The following IL36G variants were observed in gnomAD, a reference collection of about 807,000 sequenced individuals.
IL36G encodes the protein interleukin 36 gamma, also known as interleukin-36 gamma.
In IL36G, 10 loss-of-function variants were observed where a neutral mutation model predicts 13.5. The observed-to-expected ratio is 0.74, with a 90% CI of 0.46 to 1.26. IL36G has a LOEUF of 1.26. Ranked by LOEUF, IL36G falls within the 50% of genes most tolerant of loss-of-function variation. IL36G has a pLI of 0.00. For synonymous variants in IL36G, 84 were observed against 74.0 expected, an observed-to-expected ratio of 1.13 and a Z score of -0.69; for missense variants, 199 against 203.0, an observed-to-expected ratio of 0.98 and a Z score of 0.12.
Position 112,979,316 on chromosome 2 carries a change from G to A in IL36G, c.151G>A (p.Val51Met). The A allele has an allele frequency of 1.3e-6, 2 of 1,599,142 alleles. No homozygotes were observed. Among genetic ancestry groups the A allele is most frequent in the Non-Finnish European group, 1.7e-6 (2 of 1,166,316 alleles). Residue 51 changes from valine to methionine, a missense_variant, in exon 3 of 5, where the codon GTG (valine) becomes ATG (methionine). Physicochemically the swap from Val to Met is conservative, Grantham distance 21. Transcript: ENST00000259205. ...NLVAVPRSDSVTPVTVAVITC... is the reference protein window; with the variant it reads ...NLVAVPRSDSMTPVTVAVITC... ...TGTGGCAGTTCCACGAAGTGACAGT[G>A]TGACCCCAGGTGAGTGGTCACCCTG...
intron 2 of IL36G, 105 bp downstream of exon 2, chr2:112,978,798 C>A (rs373416742): frequency 1.8e-6 from 2 of 1,118,716 alleles, no homozygotes; most frequent in Non-Finnish European, 2.7e-6. Context: ...CTGTACACTG[C>A]CCTTCCCACC....
intron 4 of IL36G, chr2:112,981,360 C>T (rs770808129): frequency 5.4e-5 from 41 of 754,046 alleles, no homozygotes; most frequent in Non-Finnish European, 7.2e-5. Context: ...GACAACTTTG[C>T]GGGCCTTCTC....
chr2:112,983,172 C>A (rs916676573), intron 4 of IL36G, among the ~76,000 whole-genome samples: 1 of 151,978 alleles, frequency 6.6e-6, no homozygotes, highest in Non-Finnish European at 1.5e-5. Flanking sequence ...GTGGTTTGTA[C>A]AAGTTGTCTT....
At position 112,985,231 on chromosome 2, in the gene IL36G, G is replaced by A. The variant is rs1400191025; in HGVS notation, c.*182G>A. On this transcript the variant is annotated 3_prime_UTR_variant, in exon 5 of 5. Coordinates refer to ENST00000259205, the MANE Select transcript of IL36G (RefSeq NM_019618.4). The stretch of plus-strand genomic sequence containing the variant: ...CTTCATAGCAACTGAAGAACAGGAT[G>A]TGGCCTCAGAAGCAGGAGAGCTGGG... The A allele has an allele frequency of 3.4e-6, 2 of 587,740 alleles. No homozygotes were observed. The highest frequency in any genetic ancestry group is 6.0e-5 in the Admixed American group (2 of 33,502). 36.4% of individuals were successfully genotyped at this position (587,740 alleles called of 1,614,324 possible).
intron 2 of IL36G, 77 bp downstream of exon 2, chr2:112,978,770 A>C: frequency 7.2e-7 from 1 of 1,393,448 alleles, no homozygotes; most frequent in Non-Finnish European, 1.0e-6. Flanking sequence ...TGGAAGCCCC[A>C]GCCTTCTCTG....
At chr2:112,980,206 T>C (rs1231038799) in intron 4 of IL36G, 58 bp downstream of exon 4, 1 of 1,393,926 alleles carries the variant, frequency 7.2e-7, no homozygotes, top group African/African-American at 1.5e-5. Flanking sequence ...TTTGGTTGAA[T>C]ACCTAATTTT....
At chr2:112,978,714 A>T (rs1353875852) in intron 2 of IL36G, 21 bp downstream of exon 2, 1 of 1,612,996 alleles carries the variant, frequency 6.2e-7, no homozygotes, top group Non-Finnish European at 8.5e-7. Flanking sequence ...TGCTGTTGGG[A>T]TGGGGCTCTG....
At chr2:112,983,874 G>A (rs1350734395) in intron 4 of IL36G, among the ~76,000 whole-genome samples, 1 of 152,214 alleles carries the variant, frequency 6.6e-6, no homozygotes, top group Non-Finnish European at 1.5e-5. Context: ...AGAACATTTA[G>A]AAGGTCACCC....
In IL36G at chr2:112,984,832, C is replaced by T. The variant is rs113895847; in HGVS notation, c.301-8C>T. ...TTCTCCTAATGGGTACTTGTTCTGA[C>T]ATTTCAGGAGCAGAAGATCATGGAT... On this transcript the variant is annotated splice_polypyrimidine_tract_variant and splice_region_variant and intron_variant, in intron 4 of 4. Coordinates refer to ENST00000259205, the MANE Select transcript of IL36G (RefSeq NM_019618.4). 1.2e-6 allele frequency: 2 copies of T among 1,611,746 alleles called. No individual in the cohort carries two copies. Among genetic ancestry groups the T allele is most frequent in the Non-Finnish European group, 1.7e-6 (2 of 1,177,936 alleles).
chr2:112,979,836 TATGA>T (rs3075080), intron 3 of IL36G, among the ~76,000 whole-genome samples, 169 bp from the exon 4 acceptor site: 6 of 151,424 alleles, frequency 4.0e-5, no homozygotes, highest in Admixed American at 2.6e-4. Context: ...TGGCACATGG[TATGA>T]ATGAATGAAT....
At chr2:112,981,005 C>A (rs1044697252) in intron 4 of IL36G, among the ~76,000 whole-genome samples, 7 of 152,194 alleles carry the variant, frequency 4.6e-5, no homozygotes, top group African/African-American at 1.7e-4. Context: ...ACATATGCCC[C>A]TTCCCCTAAA....
chr2:112,978,703 A>C lies in IL36G; in HGVS notation c.55+10A>C. On this transcript the variant is annotated intron_variant, in intron 2 of 4. Coordinates refer to ENST00000259205, the MANE Select transcript of IL36G (RefSeq NM_019618.4). Reference sequence around the variant, plus strand: ...GCCGTCTATCAATCAAGTGAATCAAATGCTGTTGGGATGGGGCTCTGGAGG... The same window carrying C: ...GCCGTCTATCAATCAAGTGAATCAACTGCTGTTGGGATGGGGCTCTGGAGG... 2 of 1,613,872 alleles carry C rather than the reference A, an allele frequency of 1.2e-6. No homozygotes were observed. Among genetic ancestry groups the C allele is most frequent in the Non-Finnish European group, 1.7e-6 (2 of 1,179,894 alleles).
rs1015322151 is a variant in IL36G, at chr2:112,981,118, CT to C, written c.300+971del. ...ACTTGATAAAAAATAGTTTTTCAAA[CT>C]GTACAGTCACCAGAAGTACACAGTT... is the stretch of plus-strand genomic sequence containing the variant. On this transcript the variant is annotated intron_variant, in intron 4 of 4. Transcript: ENST00000259205. 12 of 861,928 alleles carry C rather than the reference CT, an allele frequency of 1.4e-5. No homozygotes were observed. In the Admixed American group the frequency reaches 1.7e-4, roughly 12 times the overall value. The allele number at this position is 861,928 out of a possible 1,614,324, so 53.4% of individuals were successfully genotyped here. A position where few individuals can be genotyped will look rare whatever the true frequency, so the allele number is the denominator to read the frequency against.
Position 112,980,071 on chromosome 2 carries a change from A to G in IL36G, c.223A>G (p.Ile75Val). Residue 75 changes from isoleucine to valine, a missense_variant, in exon 4 of 5, where the codon ATT (isoleucine) becomes GTT (valine). Coordinates refer to ENST00000259205, the MANE Select transcript of IL36G (RefSeq NM_019618.4). ...TCTTGAGCAAGGCAGAGGGGATCCC[A>G]TTTATTTGGGAATCCAGAATCCAGA... ...EALEQGRGDP[I>V]YLGIQNPEMC... is the part of the protein sequence containing the mutation. The G allele has an allele frequency of 6.2e-7, 1 of 1,613,694 alleles. No homozygotes were observed. Among genetic ancestry groups the G allele is most frequent in the Non-Finnish European group, 8.5e-7 (1 of 1,179,588 alleles).
intron 4 of IL36G, among the ~76,000 whole-genome samples, 160 bp from the exon 5 acceptor site, chr2:112,984,680 A>G (rs892665239): frequency 2.0e-5 from 3 of 152,026 alleles, no homozygotes; most frequent in Non-Finnish European, 2.9e-5. Context: ...ATGTATGTTT[A>G]CTCTGCTGCT....
At chr2:112,984,753 G>T in intron 4 of IL36G, 87 bp from the exon 5 acceptor site, 1 of 1,154,630 alleles carries the variant, frequency 8.7e-7, no homozygotes, top group Non-Finnish European at 1.3e-6. Flanking sequence ...CTGGAACTTT[G>T]GAACATTTAT....
intron 4 of IL36G, chr2:112,981,378 C>T (rs56198490): frequency 0.14 from 104,254 of 737,596 alleles, 8,244 homozygotes; most frequent in Middle Eastern, 0.21. Flanking sequence ...CTCTGTGGTT[C>T]GTCCTTCACC....
At chr2:112,978,537 G>A (rs1379465038) in intron 1 of IL36G, 83 bp from the exon 2 acceptor site, 1 of 1,101,882 alleles carries the variant, frequency 9.1e-7, no homozygotes, top group Non-Finnish European at 1.4e-6. Flanking sequence ...TCCCTGTCTA[G>A]AATGAGGGCC....
At chr2:112,981,224 T>A (rs986695490) in intron 4 of IL36G, 32 of 1,350,994 alleles carry the variant, frequency 2.4e-5, no homozygotes, top group Non-Finnish European at 2.9e-5. Flanking sequence ...ATCTCTATTT[T>A]CTGCAGAGTT....
Sources: gnomAD v4.1 joint callset for allele counts (sites outside exome capture counted in the v4.1 genomes callset) on GRCh38, gnomAD v4.1.1 for gene constraint, MANE v1.5 for transcripts, NCBI Gene and HGNC (gene_info 2026-07-23, HGNC 2026-07-21) for gene names.